Variants in MED13L observed in about 807,000 individuals in gnomAD.
MED13L encodes mediator of RNA polymerase II transcription subunit 13-like.
Under a neutral mutation model 220.9 loss-of-function variants are expected in MED13L, and 7 were observed. That is an observed-to-expected ratio of 0.03 (90% CI 0.02 to 0.06). MED13L has a LOEUF of 0.06. Among genes scored for constraint, MED13L ranks in the 10% least tolerant of loss-of-function variants. MED13L has a pLI of 1.00. For missense variants in MED13L, 1,965 were observed against 2,760.5 expected (o/e 0.71, Z 6.46); for synonymous variants, 1,011 against 1,015.2 (o/e 1.00, Z 0.08).
intron 1 of MED13L, among the ~76,000 whole-genome samples, chr12:116,258,306 ACT>A (rs1872221078): frequency 6.6e-6 from 1 of 152,146 alleles, no homozygotes; most frequent in Non-Finnish European, 1.5e-5. Context: ...AGAATAGTAG[ACT>A]CTACCTCAAA....
At chr12:116,258,918 GTTTTT>G (rs768787146) in intron 1 of MED13L, among the ~76,000 whole-genome samples, 1 of 138,214 alleles carries the variant, frequency 7.2e-6, no homozygotes, top group South Asian at 2.3e-4. Context: ...AATATTGAGG[GTTTTT>G]TTTTTTTTTT....
At chr12:116,184,493 A>G (rs997761843) in intron 2 of MED13L, among the ~76,000 whole-genome samples, 1 of 152,184 alleles carries the variant, frequency 6.6e-6, no homozygotes, top group Admixed American at 6.5e-5. Context: ...CCAGGAAACA[A>G]TAAGAATAAA....
At chr12:115,972,534 T>A in intron 25 of MED13L, 2 of 389,614 alleles carry the variant, frequency 5.1e-6, no homozygotes. Flanking sequence ...GCACTTAGAG[T>A]GCTTTTCCAT....
intron 1 of MED13L, among the ~76,000 whole-genome samples, chr12:116,250,427 G>C (rs1489037273): frequency 6.6e-6 from 1 of 151,454 alleles, no homozygotes; most frequent in Non-Finnish European, 1.5e-5. Context: ...CACAAAAGAA[G>C]AACAATTACC....
chr12:116,008,408 A>T lies in MED13L; in HGVS notation c.2005T>A (p.Leu669Met), dbSNP rs1879186590. ...KMEVNSESTA[L>M]QRLLAQPNKR... ...TGCAGAGAGCTGTCTTACCTTTGCAATGCAGTGCTCTCTGAGTTTACCTCC... is the reference window on the plus strand; with the variant it reads ...TGCAGAGAGCTGTCTTACCTTTGCATTGCAGTGCTCTCTGAGTTTACCTCC... The change falls in exon 10 of 31, where the codon TTG (leucine) becomes ATG (methionine). Residue 669 changes from leucine (L) to methionine (M), a missense_variant. This residue lies in a region of MED13L where 818 missense variants were observed against 1,041.2 expected (regional missense o/e 0.79). Transcript: ENST00000281928. 3 of 1,609,740 alleles carry T rather than the reference A, an allele frequency of 1.9e-6. No individual in the cohort carries two copies. Among genetic ancestry groups the T allele is most frequent in the South Asian group, 2.2e-5 (2 of 90,644 alleles).
chr12:116,039,562 T>C (rs1881400390), intron 4 of MED13L, among the ~76,000 whole-genome samples: 2 of 152,130 alleles, frequency 1.3e-5, no homozygotes, highest in Non-Finnish European at 2.9e-5. Context: ...AATCTCATAA[T>C]TCTAAATACA....
chr12:116,009,256 T>C, intron 9 of MED13L, 124 bp from the exon 10 acceptor site: 1 of 881,130 alleles, frequency 1.1e-6, no homozygotes. Flanking sequence ...AAGTTTTTAA[T>C]TATACTTATA....
At chr12:116,148,013 C>T (rs1355245033) in intron 2 of MED13L, among the ~76,000 whole-genome samples, 2 of 124,236 alleles carry the variant, frequency 1.6e-5, no homozygotes, top group African/African-American at 6.4e-5. Flanking sequence ...AATCATGCCA[C>T]TGCACTCCAG....
At chr12:116,017,140 TC>T (rs1879774181) in intron 7 of MED13L, among the ~76,000 whole-genome samples, 1 of 152,220 alleles carries the variant, frequency 6.6e-6, no homozygotes. Context: ...TAAGGCGACA[TC>T]AGGGGATTTA....
intron 17 of MED13L, among the ~76,000 whole-genome samples, chr12:115,989,476 C>G (rs532558878): frequency 1.3e-5 from 2 of 151,842 alleles, no homozygotes; most frequent in African/African-American, 2.4e-5. Flanking sequence ...GTCCTCTTCT[C>G]GTCTATACTT....
At chr12:116,089,205 T>C (rs1871975643) in intron 4 of MED13L, among the ~76,000 whole-genome samples, 1 of 152,216 alleles carries the variant, frequency 6.6e-6, no homozygotes, top group East Asian at 1.9e-4. Context: ...GTCCACACCA[T>C]AGTAGTGTTC....
At position 115,972,996 on chromosome 12, in the gene MED13L, A is replaced by G. The variant is rs571844003; in HGVS notation, c.5732-760T>C. 7.3e-4 allele frequency among the ~76,000 whole-genome samples: 111 copies of G among 152,192 alleles called. 1 individual carries two copies. The highest frequency in any genetic ancestry group is 2.5e-3 in the African/African-American group (104 of 41,508). Reference sequence around the variant, plus strand: ...CTTTCGGATCCCATCTTGCTCATAAAATGCCACACCAGTGCAGGCTGCTCT... The same window carrying G: ...CTTTCGGATCCCATCTTGCTCATAAGATGCCACACCAGTGCAGGCTGCTCT... On this transcript the variant is annotated intron_variant, in intron 25 of 30. Transcript: ENST00000281928.
At chr12:116,271,510 C>T (rs1003900859) in intron 1 of MED13L, among the ~76,000 whole-genome samples, 5 of 151,548 alleles carry the variant, frequency 3.3e-5, no homozygotes, top group Admixed American at 6.6e-5. Context: ...AGGAGAATGG[C>T]GTGAACCCGG....
chr12:116,065,579 C>T (rs1869857330), intron 4 of MED13L, among the ~76,000 whole-genome samples: 1 of 152,118 alleles, frequency 6.6e-6, no homozygotes, highest in Non-Finnish European at 1.5e-5. Context: ...CCAAGCTTTA[C>T]TTATAAACAG....
At chr12:116,005,257 C>A (rs1275677056) in intron 13 of MED13L, among the ~76,000 whole-genome samples, 2 of 152,172 alleles carry the variant, frequency 1.3e-5, no homozygotes, top group Non-Finnish European at 2.9e-5. Context: ...CCCAAAGGTA[C>A]AGAGTTGGTT....
intron 1 of MED13L, among the ~76,000 whole-genome samples, chr12:116,248,152 T>C (rs1049113912): frequency 3.3e-5 from 5 of 152,136 alleles, no homozygotes; most frequent in Admixed American, 2.0e-4. Flanking sequence ...AAGAATAAAA[T>C]AGAAGAATAA....
At chr12:116,259,788 G>A (rs1872364467) in intron 1 of MED13L, among the ~76,000 whole-genome samples, 1 of 152,182 alleles carries the variant, frequency 6.6e-6, no homozygotes, top group Non-Finnish European at 1.5e-5. Context: ...TGAAGGTGAG[G>A]GGAGGGATCC....
At chr12:116,237,877 G>A (rs1383611011) in intron 1 of MED13L, among the ~76,000 whole-genome samples, 172 bp from the exon 2 acceptor site, 1 of 152,028 alleles carries the variant, frequency 6.6e-6, no homozygotes, top group Non-Finnish European at 1.5e-5. Context: ...TTTTAAGGTG[G>A]GAGAAACTTT....
chr12:116,031,756 A>AAAAGAAAAGAAAAGAAAAGAAAAGAAAAG (rs1566020902), intron 4 of MED13L, among the ~76,000 whole-genome samples: 2 of 21,800 alleles, frequency 9.2e-5, no homozygotes, highest in Non-Finnish European at 1.8e-4. Flanking sequence ...AAAAGAAAAG[A>AAAAGAAAAGAAAAGAAAAGAAAAGAAAAG]AAAGAAGGAA....
Sources: gnomAD v4.1 joint callset for allele counts (sites outside exome capture counted in the v4.1 genomes callset) on GRCh38, gnomAD v4.1.1 for gene constraint, gnomAD v4.1.1 regional missense constraint, MANE v1.5 for transcripts, NCBI Gene and HGNC (gene_info 2026-07-23, HGNC 2026-07-21) for gene names.